Variants in PDE8A observed in about 807,000 individuals in gnomAD.
The protein encoded by PDE8A is phosphodiesterase 8A.
PDE8A carries 59 observed loss-of-function variants against 105.0 expected under a neutral mutation model. That is an observed-to-expected ratio of 0.56 (90% CI 0.46 to 0.70). PDE8A has a LOEUF of 0.70. PDE8A is among the 30% of genes least tolerant of loss of function. The pLI, the probability that PDE8A is intolerant of heterozygous loss-of-function variation, is 0.00. For synonymous variants in PDE8A, 355 were observed against 371.9 expected (o/e 0.95, Z 0.52); for missense variants, 1,014 against 1,045.9 (o/e 0.97, Z 0.42).
In PDE8A at chr15:85,116,108, C is replaced by T; in HGVS notation, c.1524C>T (p.Ala508=). ...TTGATATTTTTGAACTGGAGGCTGCCACCCACAATAGGTGAGTTCATGCAG... is the reference window on the plus strand; with the variant it reads ...TTGATATTTTTGAACTGGAGGCTGCTACCCACAATAGGTGAGTTCATGCAG... The part of the protein sequence containing the change: ...WDFDIFELEA[A]THNRPLIYLG... The change falls in exon 16 of 22, where the codon GCC becomes GCT. Residue 508 remains alanine, a synonymous_variant. Transcript: ENST00000394553. 3 of 1,613,996 alleles carry T rather than the reference C, an allele frequency of 1.9e-6. No individual in the cohort carries two copies. Among genetic ancestry groups the T allele is most frequent in the Non-Finnish European group, 2.5e-6 (3 of 1,179,920 alleles).
chr15:85,123,906 A>G lies in PDE8A; in HGVS notation c.2085+713A>G, dbSNP rs79627158. ...GATTTTAGATAAGCTAACTTTAGACAGACTATTCCTGCACCCTTCCTCACT... is the reference window on the plus strand; with the variant it reads ...GATTTTAGATAAGCTAACTTTAGACGGACTATTCCTGCACCCTTCCTCACT... On this transcript the variant is annotated intron_variant, in intron 19 of 21. Transcript: ENST00000394553. 4.1e-3 allele frequency among the ~76,000 whole-genome samples: 631 copies of G among 152,350 alleles called. 5 individuals are homozygous for G. The highest frequency in any genetic ancestry group is 0.015 in the African/African-American group (610 of 41,582).
intron 1 of PDE8A, among the ~76,000 whole-genome samples, chr15:85,006,819 A>C (rs565581986): frequency 6.6e-6 from 1 of 152,220 alleles, no homozygotes; most frequent in South Asian, 2.1e-4. Context: ...AGATTAGGGC[A>C]TGTATATGAT....
chr15:85,106,554 CTCA>C (rs1433401950), intron 11 of PDE8A, among the ~76,000 whole-genome samples: 2 of 152,188 alleles, frequency 1.3e-5, no homozygotes, highest in African/African-American at 2.4e-5. Context: ...GTGGACATTA[CTCA>C]TCATGAAGCT....
At chr15:85,006,267 T>TAATA (rs1567224944) in intron 1 of PDE8A, among the ~76,000 whole-genome samples, 17 of 151,750 alleles carry the variant, frequency 1.1e-4, no homozygotes, top group African/African-American at 3.9e-4. Context: ...GTATTATTAT[T>TAATA]ATAATAATAA....
chr15:85,038,731 G>GA (rs1361981793), intron 1 of PDE8A, among the ~76,000 whole-genome samples: 5 of 151,974 alleles, frequency 3.3e-5, no homozygotes, highest in African/African-American at 9.7e-5. Context: ...CAGATAAATG[G>GA]AAAAAAATGC....
intron 11 of PDE8A, among the ~76,000 whole-genome samples, chr15:85,101,582 G>T (rs1475654697): frequency 2.0e-5 from 3 of 152,226 alleles, no homozygotes; most frequent in Non-Finnish European, 4.4e-5. Flanking sequence ...CTGAGGATTT[G>T]TGAGTCAGGG....
intron 1 of PDE8A, among the ~76,000 whole-genome samples, chr15:85,040,417 C>A (rs987976147): frequency 6.6e-6 from 1 of 150,656 alleles, no homozygotes; most frequent in South Asian, 2.1e-4. Flanking sequence ...ACATTTTTGC[C>A]TTAAGTCTCC....
intron 7 of PDE8A, among the ~76,000 whole-genome samples, chr15:85,089,823 A>G (rs1449949633): frequency 6.6e-6 from 1 of 152,244 alleles, no homozygotes; most frequent in Non-Finnish European, 1.5e-5. Context: ...ATTTGCACTT[A>G]CAGAAATATA....
intron 18 of PDE8A, among the ~76,000 whole-genome samples, chr15:85,122,421 T>G (rs2082196484): frequency 6.6e-6 from 1 of 152,202 alleles, no homozygotes; most frequent in African/African-American, 2.4e-5. Flanking sequence ...TTCTGCCATG[T>G]TCTAGGATTT....
intron 1 of PDE8A, among the ~76,000 whole-genome samples, chr15:85,004,736 A>C (rs1292556748): frequency 2.0e-5 from 3 of 152,066 alleles, no homozygotes; most frequent in Non-Finnish European, 4.4e-5. Flanking sequence ...CAGTTCTATG[A>C]TGTTTCTTTG....
At chr15:85,034,149 T>C (rs1216533367) in intron 1 of PDE8A, among the ~76,000 whole-genome samples, 2 of 152,204 alleles carry the variant, frequency 1.3e-5, no homozygotes, top group Non-Finnish European at 2.9e-5. Flanking sequence ...CTCCGTATTA[T>C]TAACGATCAT....
At chr15:84,997,369 AT>A (rs2079996880) in intron 1 of PDE8A, among the ~76,000 whole-genome samples, 1 of 148,860 alleles carries the variant, frequency 6.7e-6, no homozygotes. Flanking sequence ...AATTTTTTGT[AT>A]TTTTTTGTAG....
intron 1 of PDE8A, among the ~76,000 whole-genome samples, chr15:85,042,092 A>C (rs911763714): frequency 1.3e-5 from 2 of 149,930 alleles, no homozygotes; most frequent in African/African-American, 5.0e-5. Context: ...TTTTTTTAAT[A>C]AAAAATAGTA....
intron 1 of PDE8A, among the ~76,000 whole-genome samples, chr15:85,052,801 T>G (rs1053934749): frequency 7.9e-4 from 121 of 152,298 alleles, no homozygotes; most frequent in South Asian, 1.7e-3. Context: ...GTAGTTTCTT[T>G]TGCTGTGCAG....
Position 85,113,861 on chromosome 15 carries a change from T to G in PDE8A, c.1186-12T>G. The G allele has an allele frequency of 6.2e-7, 1 of 1,602,294 alleles. No individual in the cohort carries two copies. Among genetic ancestry groups the G allele is most frequent in the Non-Finnish European group, 8.5e-7 (1 of 1,171,800 alleles). On this transcript the variant is annotated splice_polypyrimidine_tract_variant and intron_variant, in intron 13 of 21. Coordinates refer to ENST00000394553, the MANE Select transcript of PDE8A (RefSeq NM_002605.3). ...GGTTATGAAACTCAAGTATTTTCTT[T>G]CCATAATGTAGGTAATCAATATTAT... is the stretch of plus-strand genomic sequence containing the variant.
intron 1 of PDE8A, among the ~76,000 whole-genome samples, chr15:85,001,944 T>C (rs2080074325): frequency 6.6e-6 from 1 of 152,216 alleles, no homozygotes; most frequent in African/African-American, 2.4e-5. Flanking sequence ...GGCTTGAGGT[T>C]ACCTTAAAGG....
At chr15:85,052,069 A>G (rs908662821) in intron 1 of PDE8A, among the ~76,000 whole-genome samples, 3 of 151,266 alleles carry the variant, frequency 2.0e-5, no homozygotes, top group African/African-American at 4.9e-5. Context: ...GAGAACATGC[A>G]GTGTTTGGTT....
chr15:85,136,849 T>G (rs2082418936), intron 21 of PDE8A, among the ~76,000 whole-genome samples, 186 bp downstream of exon 21: 1 of 152,152 alleles, frequency 6.6e-6, no homozygotes, highest in South Asian at 2.1e-4. Context: ...CCCGCAGGCA[T>G]AGGTGTCTTT....
At chr15:85,017,220 C>CACTGCAG (rs1567230936) in intron 1 of PDE8A, among the ~76,000 whole-genome samples, 1 of 151,088 alleles carries the variant, frequency 6.6e-6, no homozygotes, top group Non-Finnish European at 1.5e-5. Flanking sequence ...GAGATTGCGC[C>CACTGCAG]ACTGCAGTCC....
Sources: allele counts gnomAD v4.1 joint callset (sites outside exome capture counted in the v4.1 genomes callset), GRCh38; gene constraint gnomAD v4.1.1; transcripts MANE v1.5; gene names NCBI Gene and HGNC (gene_info 2026-07-23, HGNC 2026-07-21).